The following CDH18 variants were observed in gnomAD, a reference collection of about 807,000 sequenced individuals.
CDH18 encodes cadherin-18.
CDH18 carries 31 observed loss-of-function variants against 67.9 expected under a neutral mutation model. That is an observed-to-expected ratio of 0.46 (90% CI 0.34 to 0.62). The LOEUF (loss-of-function observed/expected upper bound fraction) is 0.62. Ranked by LOEUF, CDH18 falls within the 20% of genes least tolerant of loss-of-function variation. The pLI, the probability that CDH18 is intolerant of heterozygous loss-of-function variation, is 0.01. For missense variants in CDH18, 890 were observed against 975.5 expected (o/e 0.91, Z 1.17); for synonymous variants, 362 against 347.2 (o/e 1.04, Z -0.48).
intron 1 of CDH18, among the ~76,000 whole-genome samples, chr5:20,547,339 G>T (rs1757396302): frequency 3.3e-5 from 5 of 151,938 alleles, no homozygotes; most frequent in Admixed American, 2.6e-4. Context: ...GAGTTGGGCG[G>T]ATCATTAGGT....
chr5:19,985,645 G>A (rs774927137), intron 1 of CDH18, among the ~76,000 whole-genome samples: 4 of 151,716 alleles, frequency 2.6e-5, no homozygotes, highest in African/African-American at 7.3e-5. Flanking sequence ...GGTTAAGAAG[G>A]CCTAATCTAA....
rs531084738 is a variant in CDH18 at position 19,943,671 on chromosome 5, A to G, written c.-257+37389T>C. Among the ~76,000 whole-genome samples the G allele has an allele frequency of 3.3e-5, 5 of 152,200 alleles. No homozygotes were observed. The South Asian group carries it at 1.0e-3, about 32-fold the overall frequency. ...TTTTAGAGAGAATTGGGACCAAAGGATTCCAGTCAATGAATAATTAAAAAA... is the reference window on the plus strand; with the variant it reads ...TTTTAGAGAGAATTGGGACCAAAGGGTTCCAGTCAATGAATAATTAAAAAA... On this transcript the variant is annotated intron_variant, in intron 2 of 12. Transcript: ENST00000382275.
chr5:19,633,609 C>G (rs1034940642), intron 5 of CDH18, among the ~76,000 whole-genome samples: 1 of 151,716 alleles, frequency 6.6e-6, no homozygotes, highest in Admixed American at 6.6e-5. Context: ...TTCTGGCTAC[C>G]GAAACTTGTT....
chr5:19,955,797 A>G (rs1264780455), intron 2 of CDH18, among the ~76,000 whole-genome samples: 1 of 152,128 alleles, frequency 6.6e-6, no homozygotes, highest in Non-Finnish European at 1.5e-5. Context: ...AGTAACTGCC[A>G]GGCATAACAG....
At chr5:19,562,623 C>A (rs988558217) in intron 8 of CDH18, among the ~76,000 whole-genome samples, 1 of 152,072 alleles carries the variant, frequency 6.6e-6, no homozygotes, top group Non-Finnish European at 1.5e-5. Context: ...ATTTTAAAAT[C>A]TGGCTAAGTT....
intron 2 of CDH18, among the ~76,000 whole-genome samples, chr5:20,066,305 T>A (rs1406179370): frequency 6.6e-6 from 1 of 152,118 alleles, no homozygotes; most frequent in Non-Finnish European, 1.5e-5. Context: ...TGCAGTGTCA[T>A]TTGAGACCTA....
At position 19,780,512 on chromosome 5, in the gene CDH18, G is replaced by A. The variant is rs77043589; in HGVS notation, c.229-33276C>T. Reference sequence around the variant, plus strand: ...AATATATCTGTTTAGTCTAAATTAGGAACAAAAAAGGACAAGAAAAAAAAT... The same window carrying A: ...AATATATCTGTTTAGTCTAAATTAGAAACAAAAAAGGACAAGAAAAAAAAT... On this transcript the variant is annotated intron_variant, in intron 3 of 12. Transcript: ENST00000382275. Among the ~76,000 whole-genome samples, 251 of 151,560 alleles carry A rather than the reference G, an allele frequency of 1.7e-3. 1 individual carries two copies. Among genetic ancestry groups the A allele is most frequent in the Non-Finnish European group, 2.6e-3 (177 of 67,838 alleles).
chr5:19,859,691 A>T (rs4392625), intron 2 of CDH18, among the ~76,000 whole-genome samples: 135,897 of 152,190 alleles, frequency 0.89, 60,813 homozygotes, highest in Non-Finnish European at 0.92. Flanking sequence ...GCTTAGGACC[A>T]GGAAGCCCCC....
chr5:20,409,017 G>A (rs1255635957), intron 1 of CDH18, among the ~76,000 whole-genome samples: 1 of 151,718 alleles, frequency 6.6e-6, no homozygotes, highest in Non-Finnish European at 1.5e-5. Context: ...AAATTGACTA[G>A]GAAGTTATAA....
intron 2 of CDH18, among the ~76,000 whole-genome samples, chr5:20,221,596 C>G (rs1741231024): frequency 6.6e-6 from 1 of 151,802 alleles, no homozygotes; most frequent in Non-Finnish European, 1.5e-5. Flanking sequence ...ATTGTACATT[C>G]AAAAATAACT....
chr5:20,025,091 A>C (rs1437490401), intron 2 of CDH18, among the ~76,000 whole-genome samples: 4 of 151,990 alleles, frequency 2.6e-5, no homozygotes, highest in Non-Finnish European at 5.9e-5. Context: ...ATAGCCTGTT[A>C]CTCTTCTCTG....
rs143574924 is a variant in CDH18 at position 20,461,602 on chromosome 5, A to G, written c.-580+113860T>C. Among the ~76,000 whole-genome samples, 726 of 152,068 alleles carry G rather than the reference A, an allele frequency of 4.8e-3. 5 individuals are homozygous for G. The highest frequency in any genetic ancestry group is 4.2e-3 in the Non-Finnish European group (287 of 67,970). On this transcript the variant is annotated intron_variant, in intron 1 of 14. Coordinates refer to the CDH18 transcript ENST00000507958. ...CTTCTCACTGTTCTTATGCTTATCA[A>G]ACCTCTTCTTTCTGCTTGCTAGATA...
intron 3 of CDH18, among the ~76,000 whole-genome samples, chr5:19,765,112 T>C (rs572636994): frequency 6.6e-6 from 1 of 152,334 alleles, no homozygotes; most frequent in East Asian, 1.9e-4. Flanking sequence ...TTCTGGCCTT[T>C]ATCAATATGT....
intron 1 of CDH18, among the ~76,000 whole-genome samples, chr5:20,336,642 G>A (rs942712555): frequency 6.9e-6 from 1 of 145,302 alleles, no homozygotes; most frequent in Non-Finnish European, 1.5e-5. Context: ...AGAATGGCGT[G>A]AACCCGGGAG....
intron 1 of CDH18, among the ~76,000 whole-genome samples, chr5:20,370,562 G>A (rs1056006648): frequency 2.6e-5 from 4 of 152,130 alleles, no homozygotes; most frequent in Admixed American, 1.3e-4. Context: ...TCTACTAGGT[G>A]CTGCCCTATA....
At chr5:20,416,984 A>G (rs2150152547) in intron 1 of CDH18, among the ~76,000 whole-genome samples, 1 of 152,294 alleles carries the variant, frequency 6.6e-6, no homozygotes, top group South Asian at 2.1e-4. Context: ...GCACTATAGT[A>G]GAGAAAAATA....
intron 2 of CDH18, among the ~76,000 whole-genome samples, chr5:19,928,579 T>C (rs1178605347): frequency 6.6e-6 from 1 of 152,246 alleles, no homozygotes; most frequent in Non-Finnish European, 1.5e-5. Flanking sequence ...GTAACATACA[T>C]ATCCATACAG....
At chr5:20,192,593 C>G (rs1457293281) in intron 2 of CDH18, among the ~76,000 whole-genome samples, 1 of 151,946 alleles carries the variant, frequency 6.6e-6, no homozygotes, top group South Asian at 2.1e-4. Context: ...CCCAGCATCA[C>G]TTAATGAATA....
intron 5 of CDH18, among the ~76,000 whole-genome samples, chr5:19,682,794 T>C (rs921238254): frequency 3.3e-5 from 5 of 152,106 alleles, no homozygotes; most frequent in Admixed American, 6.6e-5. Context: ...AATTCCTTTA[T>C]ATATGCAGGA....
Sources: allele counts gnomAD v4.1 joint callset (sites outside exome capture counted in the v4.1 genomes callset), GRCh38; gene constraint gnomAD v4.1.1; transcripts MANE v1.5; gene names NCBI Gene and HGNC (gene_info 2026-07-23, HGNC 2026-07-21).